The following ADAMTSL1 variants were observed in gnomAD, a reference collection of about 807,000 sequenced individuals.
The protein encoded by ADAMTSL1 is ADAMTS like 1, also known as ADAMTS-like protein 1.
Under a neutral mutation model 201.8 loss-of-function variants are expected in ADAMTSL1, and 126 were observed. The ratio of observed to expected loss-of-function variants is 0.62; its 90% confidence interval spans 0.54 to 0.72. ADAMTSL1 has a LOEUF of 0.72. ADAMTSL1 is among the 30% of genes least tolerant of loss of function. The pLI, the probability that ADAMTSL1 is intolerant of heterozygous loss-of-function variation, is 0.00. For synonymous variants in ADAMTSL1, 1,121 were observed against 903.4 expected, an observed-to-expected ratio of 1.24 and a Z score of -4.32; for missense variants, 2,679 against 2,277.8, an observed-to-expected ratio of 1.18 and a Z score of -3.59.
intron 1 of ADAMTSL1, among the ~76,000 whole-genome samples, chr9:18,012,035 AAGAAGGTTCCTTCC>A (rs1263312988): frequency 6.6e-6 from 1 of 152,026 alleles, no homozygotes; most frequent in African/African-American, 2.4e-5. Flanking sequence ...CCTTCAGAGT[AAGAAGGTTCCTTCC>A]ATTTCTAGAG....
At position 18,548,908 on chromosome 9, in the gene ADAMTSL1, A is replaced by G. The variant is rs904577658; in HGVS notation, c.237+15616A>G. Among the ~76,000 whole-genome samples, 10 of 152,080 alleles carry G rather than the reference A, an allele frequency of 6.6e-5. 1 individual carries two copies. The highest frequency in any genetic ancestry group is 6.6e-4 in the Admixed American group (10 of 15,228). On this transcript the variant is annotated intron_variant, in intron 3 of 28. Transcript: ENST00000380548. Reference sequence around the variant, plus strand: ...GGATAAATTCCAAACAAGATGCAGAATCAGTGAAAATTTGAAGATAGAAGT... The same window carrying G: ...GGATAAATTCCAAACAAGATGCAGAGTCAGTGAAAATTTGAAGATAGAAGT...
chr9:18,581,759 T>C (rs970681185), intron 4 of ADAMTSL1, among the ~76,000 whole-genome samples: 1 of 152,164 alleles, frequency 6.6e-6, no homozygotes, highest in Admixed American at 6.5e-5. Flanking sequence ...GTCCTAAGCA[T>C]GTCTGATACC....
intron 1 of ADAMTSL1, among the ~76,000 whole-genome samples, chr9:18,503,611 T>A (rs1435329354): frequency 6.6e-6 from 1 of 152,012 alleles, no homozygotes; most frequent in Admixed American, 6.6e-5. Context: ...GCATATGAGA[T>A]TGTGTAGGTG....
intron 2 of ADAMTSL1, among the ~76,000 whole-genome samples, chr9:18,192,139 T>G (rs1393006479): frequency 6.6e-6 from 1 of 152,190 alleles, no homozygotes; most frequent in African/African-American, 2.4e-5. Context: ...TAGGAATATT[T>G]GGATTCTTTG....
intron 1 of ADAMTSL1, among the ~76,000 whole-genome samples, chr9:18,484,727 C>T (rs900641377): frequency 6.6e-6 from 1 of 152,156 alleles, no homozygotes; most frequent in East Asian, 1.9e-4. Flanking sequence ...TTAAGCAGGA[C>T]TGTCTTGGCT....
At chr9:17,992,574 C>G (rs188215675) in intron 1 of ADAMTSL1, among the ~76,000 whole-genome samples, 1 of 152,144 alleles carries the variant, frequency 6.6e-6, no homozygotes, top group Admixed American at 6.5e-5. Context: ...TCATCTGAGG[C>G]TAGGAGTTCA....
In ADAMTSL1 at chr9:18,190,041, CA is replaced by C. The variant is rs1192199607; in HGVS notation, c.207+26063del. Among the ~76,000 whole-genome samples the C allele has an allele frequency of 2.0e-5, 3 of 152,142 alleles. No individual in the cohort carries two copies. The East Asian group carries it at 5.8e-4, about 29-fold the overall frequency. ...AACAAGAATGAGCCTGGTCAGGTTTCAAATGAAATGTATGTTTTTGTATAAG... is the reference window on the plus strand; with the variant it reads ...AACAAGAATGAGCCTGGTCAGGTTTCAATGAAATGTATGTTTTTGTATAAG... On this transcript the variant is annotated intron_variant, in intron 2 of 29. Coordinates refer to the ADAMTSL1 transcript ENST00000680146.
At chr9:18,274,041 G>C (rs1314663451) in intron 2 of ADAMTSL1, among the ~76,000 whole-genome samples, 3 of 152,178 alleles carry the variant, frequency 2.0e-5, no homozygotes, top group African/African-American at 7.2e-5. Context: ...TTTAGGTTTA[G>C]ATAATTTGGA....
At chr9:18,026,747 C>A (rs1820713803) in intron 1 of ADAMTSL1, among the ~76,000 whole-genome samples, 1 of 151,946 alleles carries the variant, frequency 6.6e-6, no homozygotes, top group South Asian at 2.1e-4. Flanking sequence ...AGTCCCTCCT[C>A]CTCAATTTTT....
chr9:18,095,096 C>T (rs1403838197), intron 1 of ADAMTSL1, among the ~76,000 whole-genome samples: 2 of 152,126 alleles, frequency 1.3e-5, no homozygotes, highest in Non-Finnish European at 2.9e-5. Context: ...ACAGAGACAC[C>T]TGGGAGCTAG....
chr9:18,520,232 G>T (rs1448749490), intron 2 of ADAMTSL1, among the ~76,000 whole-genome samples: 1 of 152,160 alleles, frequency 6.6e-6, no homozygotes, highest in Non-Finnish European at 1.5e-5. Context: ...GCTTTCCTTG[G>T]TTCCATATGG....
intron 2 of ADAMTSL1, among the ~76,000 whole-genome samples, chr9:18,334,055 T>A (rs1835135121): frequency 6.6e-6 from 1 of 152,166 alleles, no homozygotes; most frequent in Admixed American, 6.5e-5. Context: ...CAAACTCAGA[T>A]CTGCCTCCTA....
chr9:18,228,882 C>T (rs1322708109), intron 2 of ADAMTSL1, among the ~76,000 whole-genome samples: 5 of 149,522 alleles, frequency 3.3e-5, no homozygotes, highest in Non-Finnish European at 7.4e-5. Flanking sequence ...TCACACAGCT[C>T]ATGCTCTGTA....
chr9:18,033,603 G>T (rs1821067973), intron 1 of ADAMTSL1, among the ~76,000 whole-genome samples: 1 of 152,108 alleles, frequency 6.6e-6, no homozygotes, highest in Non-Finnish European at 1.5e-5. Flanking sequence ...TGACTTTGAT[G>T]GTAACCATCC....
In ADAMTSL1 at chr9:18,417,929, T is replaced by G. The variant is rs188451953; in HGVS notation, c.208-86900T>G. ...AGACAAAGATAATAAAAAATAACAC[T>G]ATAGAGCACAAAAATTCTCAACAAA... On this transcript the variant is annotated intron_variant, in intron 2 of 29. Transcript: ENST00000680146. 4.9e-3 allele frequency among the ~76,000 whole-genome samples: 750 copies of G among 152,140 alleles called. 4 individuals carry two copies. Among genetic ancestry groups the G allele is most frequent in the Middle Eastern group, 6.8e-3 (2 of 294 alleles).
chr9:17,984,333 A>G (rs1249759349), intron 1 of ADAMTSL1, among the ~76,000 whole-genome samples: 2 of 151,994 alleles, frequency 1.3e-5, no homozygotes, highest in African/African-American at 4.8e-5. Context: ...TAGCTGGCTG[A>G]CTAATTTATC....
intron 2 of ADAMTSL1, among the ~76,000 whole-genome samples, chr9:18,216,501 A>G (rs1273855081): frequency 2.6e-5 from 4 of 152,134 alleles, no homozygotes; most frequent in Non-Finnish European, 4.4e-5. Flanking sequence ...ATGAGGGGAG[A>G]AAACACCACA....
intron 1 of ADAMTSL1, among the ~76,000 whole-genome samples, chr9:18,076,608 G>A (rs1041515713): frequency 6.6e-6 from 1 of 152,324 alleles, no homozygotes; most frequent in Admixed American, 6.5e-5. Context: ...CTTTGAGCAT[G>A]TTCCATTCAG....
chr9:18,562,797 T>C (rs2132290125), intron 3 of ADAMTSL1, among the ~76,000 whole-genome samples: 1 of 152,358 alleles, frequency 6.6e-6, no homozygotes, highest in African/African-American at 2.4e-5. Flanking sequence ...TTTATTCCAC[T>C]TAATCGATTT....
Sources: allele counts gnomAD v4.1 joint callset (sites outside exome capture counted in the v4.1 genomes callset), GRCh38; gene constraint gnomAD v4.1.1; transcripts MANE v1.5; gene names NCBI Gene and HGNC (gene_info 2026-07-23, HGNC 2026-07-21).